RYR2: variants seen among roughly 807,000 people sequenced by gnomAD.
RYR2 encodes ryanodine receptor 2, also known as cardiac muscle ryanodine receptor-calcium release channel.
A neutral mutation model predicts 601.1 loss-of-function variants in RYR2; 227 were observed. The observed-to-expected ratio is 0.38, with a 90% CI of 0.34 to 0.42. The LOEUF (loss-of-function observed/expected upper bound fraction) is 0.42. Ranked by LOEUF, RYR2 falls within the 10% of genes least tolerant of loss-of-function variation. The probability of loss-of-function intolerance (pLI) is 1.00; values close to 1 mark genes in which losing one functional copy is unlikely to be tolerated. For missense variants in RYR2, 4,646 were observed against 6,156.5 expected, an observed-to-expected ratio of 0.75 and a Z score of 8.21; for synonymous variants, 2,223 against 2,175.1, an observed-to-expected ratio of 1.02 and a Z score of -0.61.
At chr1:237,785,778 T>G (rs1289921302) in intron 90 of RYR2, among the ~76,000 whole-genome samples, 191 bp from the exon 91 acceptor site, 2 of 152,094 alleles carry the variant, frequency 1.3e-5, no homozygotes, top group Non-Finnish European at 2.9e-5. Context: ...GCTGGTGCAG[T>G]AGGTCAGTGT....
At chr1:237,569,677 G>C (rs1672461435) in intron 29 of RYR2, among the ~76,000 whole-genome samples, 1 of 152,186 alleles carries the variant, frequency 6.6e-6, no homozygotes, top group Non-Finnish European at 1.5e-5. Flanking sequence ...TCTCATAAAA[G>C]TGAAATGAGG....
At chr1:237,056,557 A>G (rs1205861428) in intron 1 of RYR2, among the ~76,000 whole-genome samples, 1 of 141,000 alleles carries the variant, frequency 7.1e-6, no homozygotes, top group Non-Finnish European at 1.5e-5. Context: ...GGAGCACTGC[A>G]CCTGTGAGGA....
chr1:237,356,111 T>A, intron 4 of RYR2, 126 bp downstream of exon 4: 1 of 789,168 alleles, frequency 1.3e-6, no homozygotes, highest in Non-Finnish European at 2.1e-6. Context: ...ACTGCTTCGT[T>A]GTAATGAACA....
intron 17 of RYR2, among the ~76,000 whole-genome samples, chr1:237,479,269 A>C (rs1472392206): frequency 6.6e-6 from 1 of 152,224 alleles, no homozygotes. Flanking sequence ...TCTCACAACT[A>C]TATACCATTC....
At chr1:237,738,004 T>C (rs1269969347) in intron 79 of RYR2, among the ~76,000 whole-genome samples, 1 of 152,192 alleles carries the variant, frequency 6.6e-6, no homozygotes, top group Non-Finnish European at 1.5e-5. Context: ...TTGGAAGCTG[T>C]CTTTCCTCAT....
chr1:237,702,139 A>G, intron 66 of RYR2, 80 bp downstream of exon 66: 1 of 819,118 alleles, frequency 1.2e-6, no homozygotes, highest in Non-Finnish European at 2.0e-6. Flanking sequence ...TCTTCATTTC[A>G]TAACCTGTTT....
chr1:237,196,479 A>G (rs1452271255), intron 1 of RYR2, among the ~76,000 whole-genome samples: 1 of 152,118 alleles, frequency 6.6e-6, no homozygotes, highest in African/African-American at 2.4e-5. Flanking sequence ...TTTACTTTTC[A>G]TAATTGCTTA....
chr1:237,224,882 C>T (rs1684194431), intron 1 of RYR2, among the ~76,000 whole-genome samples: 1 of 152,090 alleles, frequency 6.6e-6, no homozygotes, highest in East Asian at 1.9e-4. Flanking sequence ...TTATAAGTTA[C>T]TATTTTCATC....
intron 1 of RYR2, among the ~76,000 whole-genome samples, chr1:237,122,234 A>G (rs1319822463): frequency 3.3e-5 from 5 of 152,256 alleles, no homozygotes; most frequent in African/African-American, 1.2e-4. Flanking sequence ...TCAGTGGTGA[A>G]GTCCCTCCAC....
intron 1 of RYR2, among the ~76,000 whole-genome samples, chr1:237,169,302 CT>C: frequency 7.2e-6 from 1 of 138,954 alleles, no homozygotes; most frequent in Middle Eastern, 3.6e-3. Flanking sequence ...TTTTTTTCTT[CT>C]TCTTCTTTTT....
In RYR2 at chr1:237,578,012, A is replaced by G. The variant is rs148826253; in HGVS notation, c.3598+8693A>G. 4.6e-3 allele frequency among the ~76,000 whole-genome samples: 700 copies of G among 152,256 alleles called. 23 individuals are homozygous for G. Among genetic ancestry groups the G allele is most frequent in the East Asian group, 0.039 (200 of 5,140 alleles). ...GAGACGGGGTTTCACCATGTTAGCC[A>G]GGCTGGTGGCTGGTCTTGAGCTCCT... On this transcript the variant is annotated intron_variant, in intron 29 of 104. Transcript: ENST00000366574.
intron 97 of RYR2, among the ~76,000 whole-genome samples, chr1:237,799,434 G>A (rs1314669859): frequency 6.6e-6 from 1 of 152,100 alleles, no homozygotes; most frequent in Non-Finnish European, 1.5e-5. Flanking sequence ...AAATAGAAGG[G>A]AAGTTTAGAC....
chr1:237,205,935 G>A (rs761302318), intron 1 of RYR2, among the ~76,000 whole-genome samples: 1 of 152,218 alleles, frequency 6.6e-6, no homozygotes, highest in African/African-American at 2.4e-5. Context: ...CCCGCGACTG[G>A]CTCAAGAAGA....
At chr1:237,055,274 T>A (rs974186637) in intron 1 of RYR2, among the ~76,000 whole-genome samples, 3 of 152,148 alleles carry the variant, frequency 2.0e-5, no homozygotes, top group Non-Finnish European at 2.9e-5. Flanking sequence ...GGATTTGTTC[T>A]TAATTCATAA....
chr1:237,318,813 G>A (rs183058395), intron 2 of RYR2, among the ~76,000 whole-genome samples: 31 of 149,424 alleles, frequency 2.1e-4, no homozygotes, highest in Non-Finnish European at 4.0e-4. Context: ...CCTACTTCAG[G>A]TTTATTGTGC....
intron 1 of RYR2, among the ~76,000 whole-genome samples, chr1:237,131,407 TG>T (rs1403866584): frequency 1.3e-5 from 2 of 151,956 alleles, no homozygotes; most frequent in Non-Finnish European, 2.9e-5. Flanking sequence ...AGTCAAGTGA[TG>T]GGGTGGGGAG....
In RYR2 at chr1:237,599,022, G is replaced by C. The variant is rs566234774; in HGVS notation, c.4597-3003G>C. ...TGAAAAATTGTATGCCAACAAATTG[G>C]ATAACCTAGAAGAAATGGATAAATT... On this transcript the variant is annotated intron_variant, in intron 34 of 104. Transcript: ENST00000366574. Among the ~76,000 whole-genome samples, 55 of 152,200 alleles carry C rather than the reference G, an allele frequency of 3.6e-4. 1 individual carries two copies. The South Asian group carries it at 7.7e-3, about 21-fold the overall frequency.
intron 96 of RYR2, among the ~76,000 whole-genome samples, chr1:237,795,921 CGTATGTGTGTACATATGTATGT>C (rs796521368): frequency 6.6e-5 from 2 of 30,248 alleles, no homozygotes; most frequent in Middle Eastern, 0.028. Flanking sequence ...CATATGCACG[CGTATGTGTGTACATATGTATGT>C]GTGCATATGT....
chr1:237,172,849 C>T (rs138261273), intron 1 of RYR2, among the ~76,000 whole-genome samples: 12 of 152,144 alleles, frequency 7.9e-5, no homozygotes, highest in African/African-American at 2.7e-4. Flanking sequence ...CTGGAACAGT[C>T]GTTTGTGTTA....
Sources: gnomAD v4.1 joint callset for allele counts (sites outside exome capture counted in the v4.1 genomes callset) on GRCh38, gnomAD v4.1.1 for gene constraint, MANE v1.5 for transcripts, NCBI Gene and HGNC (gene_info 2026-07-23, HGNC 2026-07-21) for gene names.